The following BRCA2 variants were observed in gnomAD, a reference collection of about 807,000 sequenced individuals.
BRCA2 encodes the protein BRCA2 DNA repair associated, also known as breast cancer type 2 susceptibility protein.
BRCA2 carries 203 observed loss-of-function variants against 276.7 expected under a neutral mutation model. The ratio of observed to expected loss-of-function variants is 0.73; its 90% CI spans 0.65 to 0.82. The LOEUF is 0.82. BRCA2 is among the 40% of genes least tolerant of loss of function. The probability of loss-of-function intolerance (pLI) is 0.00; values close to 1 mark genes in which losing one functional copy is unlikely to be tolerated. For synonymous variants in BRCA2, 1,289 were observed against 1,338.4 expected (o/e 0.96, Z 0.81); for missense variants, 3,920 against 3,915.0 (o/e 1.00, Z -0.03).
At position 32,339,356 on chromosome 13, in the gene BRCA2, A is replaced by C. The variant is rs28897732; in HGVS notation, c.5001A>C (p.Ser1667=). Residue 1667 remains serine, a synonymous_variant, in exon 11 of 27, where the codon TCA becomes TCC. Transcript: ENST00000380152. ...CCCCTTATTCAGTCATTGAAAATTCAGCCTTAGCTTTTTACACAAGTTGTA... is the reference window on the plus strand; with the variant it reads ...CCCCTTATTCAGTCATTGAAAATTCCGCCTTAGCTTTTTACACAAGTTGTA... ...NQSPYSVIEN[S]ALAFYTSCSR... 9 of 1,588,948 alleles carry C rather than the reference A, an allele frequency of 5.7e-6. No individual in the cohort carries two copies. The highest frequency in any genetic ancestry group is 7.7e-6 in the Non-Finnish European group (9 of 1,169,516).
chr13:32,371,047 A>G lies in BRCA2; in HGVS notation c.8579A>G (p.Lys2860Arg), dbSNP rs2137600643. Residue 2860 changes from lysine to arginine, a missense_variant, in exon 20 of 27, where the codon AAG becomes AGG. Lys to Arg is a conservative substitution (Grantham distance 26, BLOSUM62 2). Coordinates refer to ENST00000380152, the MANE Select transcript of BRCA2 (RefSeq NM_000059.4). ...GCAAAATATGTGGAGGCCCAACAAA[A>G]GAGACTAGAAGCCTTATTCACTAAA... ...EAAKYVEAQQ[K>R]RLEALFTKIQ... The G allele has an allele frequency of 6.2e-7, 1 of 1,614,184 alleles. No individual in the cohort carries two copies. Among genetic ancestry groups the G allele is most frequent in the Non-Finnish European group, 8.5e-7 (1 of 1,180,010 alleles).
Position 32,316,431 on chromosome 13 carries a change from C to T in BRCA2, c.-30C>T, listed in dbSNP as rs775945279. ...GTCTTCTGTTTTGCAGACTTATTTA[C>T]CAAGCATTGGAGGAATATCGTAGGT... On this transcript the variant is annotated 5_prime_UTR_variant, in exon 2 of 27. Transcript: ENST00000380152. 4 of 1,595,688 alleles carry T rather than the reference C, an allele frequency of 2.5e-6. No individual in the cohort carries two copies. Among genetic ancestry groups the T allele is most frequent in the Admixed American group, 1.7e-5 (1 of 59,962 alleles).
intron 13 of BRCA2, among the ~76,000 whole-genome samples, chr13:32,349,173 C>T (rs1230471442): frequency 1.4e-5 from 2 of 145,852 alleles, no homozygotes; most frequent in East Asian, 2.0e-4. Flanking sequence ...GGTAAAATTG[C>T]ACCACTGCAC....
At chr13:32,376,567 A>G in intron 20 of BRCA2, 103 bp from the exon 21 acceptor site, 1 of 1,269,446 alleles carries the variant, frequency 7.9e-7, no homozygotes. Flanking sequence ...ATAGTTTCTT[A>G]TCTTTAAATC....
intron 2 of BRCA2, among the ~76,000 whole-genome samples, chr13:32,318,840 A>G (rs777887676): frequency 9.8e-5 from 15 of 152,352 alleles, no homozygotes; most frequent in Admixed American, 5.9e-4. Flanking sequence ...AAGCTAATAT[A>G]TACAGCTTTT....
intron 9 of BRCA2, among the ~76,000 whole-genome samples, chr13:32,331,594 G>A (rs980917210): frequency 6.6e-6 from 1 of 152,038 alleles, no homozygotes; most frequent in Non-Finnish European, 1.5e-5. Context: ...ATTTGATTTC[G>A]ATGACAGTAT....
intron 24 of BRCA2, among the ~76,000 whole-genome samples, chr13:32,383,448 T>TA (rs2072939058): frequency 6.6e-6 from 1 of 152,172 alleles, no homozygotes; most frequent in Admixed American, 6.6e-5. Flanking sequence ...ATGGACTAAG[T>TA]AAACACATCA....
intron 16 of BRCA2, among the ~76,000 whole-genome samples, chr13:32,358,305 A>G (rs1293780629): frequency 6.6e-6 from 1 of 151,494 alleles, no homozygotes; most frequent in Non-Finnish European, 1.5e-5. Context: ...GCGAAACCCC[A>G]TCTCTACTAA....
rs9943888 is a variant in BRCA2, at chr13:32,354,065, A to G, written c.7008-796A>G. Among the ~76,000 whole-genome samples the G allele has an allele frequency of 0.26, 39,263 of 152,152 alleles. 5,292 individuals are homozygous for G. Among genetic ancestry groups the G allele is most frequent in the Non-Finnish European group, 0.27 (18,289 of 67,986 alleles). ...TTTTGGAGACTTTTTTTGAGGAATC[A>G]GGAAGAGGTAAAACCAGTAAAAGAT... is the stretch of plus-strand genomic sequence containing the variant. On this transcript the variant is annotated intron_variant, in intron 13 of 26. Coordinates refer to ENST00000380152, the MANE Select transcript of BRCA2 (RefSeq NM_000059.4).
chr13:32,371,717 CA>C (rs1294965706), intron 20 of BRCA2, among the ~76,000 whole-genome samples: 1 of 152,076 alleles, frequency 6.6e-6, no homozygotes, highest in Non-Finnish European at 1.5e-5. Flanking sequence ...AAATCATTCA[CA>C]GGCATACCTC....
chr13:32,324,893 G>A (rs1327039669), intron 3 of BRCA2, among the ~76,000 whole-genome samples, 183 bp from the exon 4 acceptor site: 1 of 152,148 alleles, frequency 6.6e-6, no homozygotes, highest in Non-Finnish European at 1.5e-5. Flanking sequence ...CAAATTATAA[G>A]CCACTGTGCT....
chr13:32,344,735 C>T (rs1566237076), intron 12 of BRCA2, 82 bp downstream of exon 12: 1 of 976,776 alleles, frequency 1.0e-6, no homozygotes, highest in Non-Finnish European at 1.6e-6. Flanking sequence ...ATCCACCTGC[C>T]TCTCAAAGTG....
chr13:32,389,011 T>C (rs546547618), intron 24 of BRCA2, among the ~76,000 whole-genome samples: 1 of 152,366 alleles, frequency 6.6e-6, no homozygotes, highest in African/African-American at 2.4e-5. Flanking sequence ...TGAAGGTTAC[T>C]TAAATATATT....
At chr13:32,328,455 T>G (rs991294838) in intron 7 of BRCA2, among the ~76,000 whole-genome samples, 2 of 152,096 alleles carry the variant, frequency 1.3e-5, no homozygotes, top group African/African-American at 2.4e-5. Flanking sequence ...TTGGCCAGGG[T>G]GGTCTTGAAC....
At chr13:32,334,882 A>G (rs1212991882) in intron 10 of BRCA2, among the ~76,000 whole-genome samples, 2 of 152,230 alleles carry the variant, frequency 1.3e-5, no homozygotes, top group African/African-American at 4.8e-5. Flanking sequence ...CTTAGCAACT[A>G]AACTGTATGT....
At chr13:32,361,493 A>T (rs2072737073) in intron 16 of BRCA2, among the ~76,000 whole-genome samples, 1 of 152,164 alleles carries the variant, frequency 6.6e-6, no homozygotes, top group African/African-American at 2.4e-5. Context: ...GAGAGGAAGT[A>T]GGATCAAAGA....
chr13:32,316,963 C>T (rs901805317), intron 2 of BRCA2, among the ~76,000 whole-genome samples: 1 of 152,108 alleles, frequency 6.6e-6, no homozygotes, highest in African/African-American at 2.4e-5. Context: ...TTTGGGAGGC[C>T]GAGGTGGGCG....
In BRCA2 at chr13:32,340,148, A is replaced by G. The variant is rs371682489; in HGVS notation, c.5793A>G (p.Gln1931=). The G allele has an allele frequency of 9.3e-6, 15 of 1,613,270 alleles. No individual in the cohort carries two copies. The East Asian group carries it at 2.7e-4, about 29-fold the overall frequency. The part of the protein sequence containing the change: ...FADIQSEEIL[Q]HNQNMSGLEK... ...ACATTCAGAGTGAAGAAATTTTACA[A>G]CATAACCAAAATATGTCTGGATTGG... Residue 1931 remains glutamine (Q), a synonymous_variant, in exon 11 of 27, where the codon CAA becomes CAG. Transcript: ENST00000380152.
Position 32,340,902 on chromosome 13 carries a change from G to T in BRCA2, c.6547G>T (p.Glu2183Ter), listed in dbSNP as rs397507866. Residue 2183 changes from glutamate (E) to a stop codon, truncating the protein, a stop_gained, in exon 11 of 27, where the codon GAA (glutamate) becomes TAA (stop). Coordinates refer to ENST00000380152, the MANE Select transcript of BRCA2 (RefSeq NM_000059.4). LOFTEE classifies it high-confidence loss of function. ...TGAGAACATTCATGTTTTGGGAAAA[G>T]AACAGGCTTCACCTAAAAACGTAAA... ...LVENIHVLGKEQASPKNVKME... is the reference protein window; with the variant it reads ...LVENIHVLGK The T allele has an allele frequency of 6.2e-7, 1 of 1,609,044 alleles. No individual in the cohort carries two copies. Among genetic ancestry groups the T allele is most frequent in the South Asian group, 1.1e-5 (1 of 89,302 alleles).
Sources: allele counts gnomAD v4.1 joint callset (sites outside exome capture counted in the v4.1 genomes callset), GRCh38; gene constraint gnomAD v4.1.1; transcripts MANE v1.5; gene names NCBI Gene and HGNC (gene_info 2026-07-23, HGNC 2026-07-21).